Variants in ROR1 observed in about 807,000 individuals in gnomAD.
ROR1 encodes the protein inactive tyrosine-protein kinase transmembrane receptor ROR1.
A neutral mutation model predicts 78.8 loss-of-function variants in ROR1; 19 were observed. That is an observed-to-expected ratio of 0.24 (90% CI 0.17 to 0.35). The LOEUF (loss-of-function observed/expected upper bound fraction) is 0.35. ROR1 is among the 10% of genes least tolerant of loss of function. The probability of loss-of-function intolerance (pLI) is 1.00; values close to 1 mark genes in which losing one functional copy is unlikely to be tolerated. For missense variants in ROR1, 917 were observed against 1,177.8 expected (o/e 0.78, Z 3.24); for synonymous variants, 386 against 433.6 (o/e 0.89, Z 1.36).
chr1:64,175,239 T>C (rs895728776), intron 8 of ROR1, among the ~76,000 whole-genome samples: 2 of 152,088 alleles, frequency 1.3e-5, no homozygotes, highest in African/African-American at 4.8e-5. Flanking sequence ...ATATGTTTCA[T>C]GTGTTCTTTT....
intron 1 of ROR1, among the ~76,000 whole-genome samples, chr1:64,005,492 G>C (rs1298482935): frequency 6.6e-6 from 1 of 152,178 alleles, no homozygotes; most frequent in Non-Finnish European, 1.5e-5. Flanking sequence ...GAGGCTGCCA[G>C]GCTGGTGGTA....
intron 1 of ROR1, among the ~76,000 whole-genome samples, chr1:63,873,588 A>G (rs1645265733): frequency 6.6e-6 from 1 of 152,190 alleles, no homozygotes; most frequent in Non-Finnish European, 1.5e-5. Flanking sequence ...GTCAAAAGAA[A>G]AAGTATCACT....
chr1:64,001,554 G>A (rs751539078), intron 1 of ROR1, among the ~76,000 whole-genome samples: 11 of 152,078 alleles, frequency 7.2e-5, no homozygotes, highest in Admixed American at 3.3e-4. Context: ...GGAGAAACTG[G>A]GTGAAGGGTG....
At chr1:63,791,604 A>G (rs573441150) in intron 1 of ROR1, among the ~76,000 whole-genome samples, 1 of 152,032 alleles carries the variant, frequency 6.6e-6, no homozygotes, top group South Asian at 2.1e-4. Context: ...GGAGGCTGAG[A>G]CCCCCATGCC....
intron 1 of ROR1, among the ~76,000 whole-genome samples, chr1:63,794,519 C>T (rs1417376706): frequency 1.6e-4 from 24 of 152,236 alleles, no homozygotes; most frequent in Non-Finnish European, 1.5e-5. Context: ...TGGTGGCCTG[C>T]TGTGCCCTGC....
At chr1:63,856,079 C>CT (rs112104332) in intron 1 of ROR1, among the ~76,000 whole-genome samples, 74 of 145,786 alleles carry the variant, frequency 5.1e-4, no homozygotes, top group South Asian at 1.3e-3. Flanking sequence ...TTTTGATTGA[C>CT]TTTTTTTTTT....
intron 2 of ROR1, among the ~76,000 whole-genome samples, chr1:64,031,536 C>T (rs1391466949): frequency 6.6e-6 from 1 of 152,232 alleles, no homozygotes; most frequent in Admixed American, 6.5e-5. Flanking sequence ...TTCCCAAAGC[C>T]AGGCTCTTAT....
At chr1:63,839,173 G>C (rs1314365312) in intron 1 of ROR1, among the ~76,000 whole-genome samples, 3 of 152,198 alleles carry the variant, frequency 2.0e-5, no homozygotes, top group Admixed American at 1.3e-4. Flanking sequence ...GGCTTCAAAA[G>C]TCAGATCTGT....
intron 1 of ROR1, among the ~76,000 whole-genome samples, chr1:63,926,097 A>T (rs1484959001): frequency 2.0e-5 from 3 of 152,102 alleles, no homozygotes; most frequent in Non-Finnish European, 2.9e-5. Context: ...TCCATGCCTA[A>T]GTCCTGAATG....
In ROR1 at chr1:63,774,523, C is replaced by T; in HGVS notation, c.91+15C>T. ...TGCTGCCCAAGGTAAGAGGCGCCCG[C>T]CGGCCCCCGCCCGCCCAGACCCCCT... On this transcript the variant is annotated intron_variant, in intron 1 of 8. Transcript: ENST00000371079. The surrounding 1 kb of genome is among the most constrained non-coding windows in gnomAD (Gnocchi z 5.7). The T allele has an allele frequency of 9.1e-7, 1 of 1,101,322 alleles. No homozygotes were observed. The highest frequency in any genetic ancestry group is 1.7e-5 in the African/African-American group (1 of 59,930). 68.2% of individuals were successfully genotyped at this position (1,101,322 alleles called of 1,614,324 possible).
intron 1 of ROR1, among the ~76,000 whole-genome samples, chr1:63,904,795 G>A (rs1645515915): frequency 6.6e-6 from 1 of 152,172 alleles, no homozygotes; most frequent in Non-Finnish European, 1.5e-5. Context: ...CCATCTGTAA[G>A]CCAAGGAGGG....
At chr1:64,056,362 T>TTTA (rs143715503) in intron 4 of ROR1, among the ~76,000 whole-genome samples, 1 of 151,046 alleles carries the variant, frequency 6.6e-6, no homozygotes, top group East Asian at 1.9e-4. Context: ...AAATTATTTA[T>TTTA]TTATTTATTT....
intron 1 of ROR1, among the ~76,000 whole-genome samples, chr1:63,840,360 A>G (rs982262566): frequency 2.7e-5 from 4 of 150,724 alleles, no homozygotes; most frequent in Non-Finnish European, 5.9e-5. Flanking sequence ...GCTCACTGCA[A>G]CCTCTGCCTC....
intron 1 of ROR1, among the ~76,000 whole-genome samples, chr1:63,941,175 C>T (rs1645836490): frequency 6.6e-6 from 1 of 152,026 alleles, no homozygotes; most frequent in African/African-American, 2.4e-5. Flanking sequence ...CTCTGAAGTA[C>T]ATTATTGAAA....
At position 64,178,086 on chromosome 1, in the gene ROR1, T is replaced by C; in HGVS notation, c.2045T>C (p.Leu682Ser). The C allele has an allele frequency of 6.2e-7, 1 of 1,614,164 alleles. No homozygotes were observed. The highest frequency in any genetic ancestry group is 1.3e-5 in the African/African-American group (1 of 75,034). ...DSDIWSFGVV[L>S]WEIFSFGLQP... ...GATATCTGGTCCTTTGGGGTTGTCT[T>C]GTGGGAGATTTTCAGTTTTGGACTC... The change falls in exon 9 of 9, where the codon TTG becomes TCG. Residue 682 changes from leucine (L) to serine (S), a missense_variant. This residue lies in a region of ROR1 where 835 missense variants were observed against 1,069.8 expected (regional missense o/e 0.78). Transcript: ENST00000371079. This position sits in a 1 kb window ranked among gnomAD's most constrained non-coding sequence, Gnocchi z 4.3.
chr1:63,948,167 A>G (rs1028514143), intron 1 of ROR1, among the ~76,000 whole-genome samples: 3 of 152,172 alleles, frequency 2.0e-5, no homozygotes, highest in African/African-American at 2.4e-5. Flanking sequence ...GTGCAAGTTG[A>G]TCCCCTGAGA....
At chr1:63,940,536 G>GATAGATAGATAT (rs1645830435) in intron 1 of ROR1, among the ~76,000 whole-genome samples, 1 of 151,890 alleles carries the variant, frequency 6.6e-6, no homozygotes, top group African/African-American at 2.4e-5. Flanking sequence ...TAGATAGATA[G>GATAGATAGATAT]ATAGATAATG....
chr1:64,004,180 T>C (rs1450723491), intron 1 of ROR1, among the ~76,000 whole-genome samples: 2 of 152,244 alleles, frequency 1.3e-5, no homozygotes, highest in Non-Finnish European at 2.9e-5. Flanking sequence ...GCCACTTCCC[T>C]ACCAGGGGCC....
In ROR1 at chr1:64,178,613, A is replaced by T. The variant is rs989718734; in HGVS notation, c.2572A>T (p.Ser858Cys). 6.8e-6 allele frequency: 11 copies of T among 1,614,084 alleles called. No homozygotes were observed. Among genetic ancestry groups the T allele is most frequent in the Non-Finnish European group, 9.3e-6 (11 of 1,180,048 alleles). Residue 858 changes from serine to cysteine, a missense_variant, in exon 9 of 9, where the codon AGT becomes TGT. Ser to Cys is a moderately radical substitution (Grantham distance 112). Around this residue, in one of 3 missense-constraint regions of ROR1, gnomAD observed 835 missense variants for 1,069.8 expected, o/e 0.78. Transcript: ENST00000371079. This position sits in a 1 kb window ranked among gnomAD's most constrained non-coding sequence, Gnocchi z 4.3. ...ACCTCCCAAGAGTCGGTCCCCAAGC[A>T]GTGCCAGTGGGTCGACTAGCACTGG... ...CPPPKSRSPS[S>C]ASGSTSTGHV... is the part of the protein sequence containing the mutation.
Sources: gnomAD v4.1 joint callset for allele counts (sites outside exome capture counted in the v4.1 genomes callset) on GRCh38, gnomAD v4.1.1 for gene constraint, gnomAD v4.1.1 regional missense constraint, Gnocchi (gnomAD v3.1) non-coding constraint, MANE v1.5 for transcripts, NCBI Gene and HGNC (gene_info 2026-07-23, HGNC 2026-07-21) for gene names.